The following DGCR2 variants were observed in gnomAD, a reference collection of about 807,000 sequenced individuals.
The protein encoded by DGCR2 is DiGeorge syndrome critical region gene 2.
A neutral mutation model predicts 51.6 loss-of-function variants in DGCR2; 24 were observed. That is an observed-to-expected ratio of 0.47 (90% CI 0.34 to 0.65). The LOEUF is 0.65. DGCR2 is among the 30% of genes least tolerant of loss of function. The pLI, the probability that DGCR2 is intolerant of heterozygous loss-of-function variation, is 0.01. For synonymous variants in DGCR2, 340 were observed against 315.4 expected, an observed-to-expected ratio of 1.08 and a Z score of -0.82; for missense variants, 765 against 772.1, an observed-to-expected ratio of 0.99 and a Z score of 0.11.
At position 19,068,081 on chromosome 22, in the gene DGCR2, G is replaced by C. The variant is rs1247304634; in HGVS notation, c.328+19C>G. 1 of 1,555,704 alleles carries C rather than the reference G, an allele frequency of 6.4e-7. No homozygotes were observed. The highest frequency in any genetic ancestry group is 1.2e-5 in the South Asian group (1 of 82,874). ...CTTGCACTCCCCAGTGTCCCAGTCAGGGCAGGTCTGCAACTTACTGCTGAA... is the reference window on the plus strand; with the variant it reads ...CTTGCACTCCCCAGTGTCCCAGTCACGGCAGGTCTGCAACTTACTGCTGAA... On this transcript the variant is annotated intron_variant, in intron 3 of 9. Transcript: ENST00000263196.
intron 1 of DGCR2, among the ~76,000 whole-genome samples, chr22:19,095,518 G>A (rs1161865765): frequency 4.0e-5 from 6 of 151,568 alleles, no homozygotes; most frequent in East Asian, 2.0e-4. Flanking sequence ...AAAATTAGCC[G>A]GGCGTGGTGG....
At chr22:19,049,077 C>T (rs2082521746) in intron 6 of DGCR2, among the ~76,000 whole-genome samples, 1 of 152,208 alleles carries the variant, frequency 6.6e-6, no homozygotes, top group Non-Finnish European at 1.5e-5. Flanking sequence ...AAATGGAGGC[C>T]GGAGAGCCAG....
intron 1 of DGCR2, among the ~76,000 whole-genome samples, chr22:19,113,465 G>A (rs1321710112): frequency 2.0e-5 from 3 of 151,956 alleles, no homozygotes; most frequent in Admixed American, 6.5e-5. Flanking sequence ...AGACTGAAAA[G>A]ATGGAGTCGC....
intron 1 of DGCR2, among the ~76,000 whole-genome samples, chr22:19,117,207 TAC>T (rs2083382600): frequency 6.6e-6 from 1 of 152,220 alleles, no homozygotes; most frequent in East Asian, 1.9e-4. Flanking sequence ...AATCACTCAG[TAC>T]TCTGGGAAGT....
chr22:19,067,102 G>T (rs543829002), intron 3 of DGCR2, among the ~76,000 whole-genome samples: 1 of 152,176 alleles, frequency 6.6e-6, no homozygotes, highest in Non-Finnish European at 1.5e-5. Flanking sequence ...GTTGGTGGGG[G>T]TTCTGCCAGA....
At chr22:19,052,735 C>T (rs760361510) in intron 6 of DGCR2, among the ~76,000 whole-genome samples, 41 of 151,694 alleles carry the variant, frequency 2.7e-4, no homozygotes, top group Non-Finnish European at 2.6e-4. Flanking sequence ...GAGCAGTGAT[C>T]ACACCACTGT....
At chr22:19,050,194 T>C (rs530692430) in intron 6 of DGCR2, among the ~76,000 whole-genome samples, 1 of 152,254 alleles carries the variant, frequency 6.6e-6, no homozygotes, top group South Asian at 2.1e-4. Context: ...GTGAAAATGC[T>C]GAAAGTGAAA....
At chr22:19,086,468 G>A (rs916083006) in intron 2 of DGCR2, among the ~76,000 whole-genome samples, 6 of 151,928 alleles carry the variant, frequency 3.9e-5, no homozygotes, top group Admixed American at 6.5e-5. Flanking sequence ...AACAAAGCGA[G>A]ACTCCATCTC....
chr22:19,043,085 T>C (rs2082451031), intron 7 of DGCR2, among the ~76,000 whole-genome samples: 1 of 152,074 alleles, frequency 6.6e-6, no homozygotes, highest in African/African-American at 2.4e-5. Flanking sequence ...CTTTGCTGGG[T>C]GAGTAGGCAG....
rs377332390 is a variant in DGCR2 at position 19,060,282 on chromosome 22, C to T, written c.625+2920G>A. Among the ~76,000 whole-genome samples the T allele has an allele frequency of 1.2e-3, 190 of 152,274 alleles. 1 individual carries two copies. Among genetic ancestry groups the T allele is most frequent in the African/African-American group, 4.3e-3 (178 of 41,546 alleles). On this transcript the variant is annotated intron_variant, in intron 5 of 9. Coordinates refer to ENST00000263196, the MANE Select transcript of DGCR2 (RefSeq NM_005137.3). ...CCACAGCCCTGACTGCTGGCCTCAG[C>T]GGGCAACACCATACAATCCCTCAGG...
At chr22:19,071,523 G>C (rs1002630396) in intron 2 of DGCR2, among the ~76,000 whole-genome samples, 19 of 151,906 alleles carry the variant, frequency 1.3e-4, no homozygotes, top group African/African-American at 4.4e-4. Flanking sequence ...TGAAGAAAGA[G>C]ACAAGTCCAA....
At chr22:19,065,340 A>G (rs935613959) in intron 3 of DGCR2, among the ~76,000 whole-genome samples, 1 of 152,224 alleles carries the variant, frequency 6.6e-6, no homozygotes, top group Non-Finnish European at 1.5e-5. Flanking sequence ...CGGCTGCTGA[A>G]TTAAGTCTTG....
chr22:19,103,421 T>A (rs1431575829), intron 1 of DGCR2, among the ~76,000 whole-genome samples: 4 of 59,120 alleles, frequency 6.8e-5, no homozygotes, highest in African/African-American at 4.6e-4. Flanking sequence ...AAGTTCTTTT[T>A]TTTTTTTTTT....
rs1042958778 is a variant in DGCR2 at position 19,113,742 on chromosome 22, C to T, written c.79+8386G>A. On this transcript the variant is annotated intron_variant, in intron 1 of 9. Coordinates refer to ENST00000263196, the MANE Select transcript of DGCR2 (RefSeq NM_005137.3). Reference sequence around the variant, plus strand: ...ACTGTTATGTAGGTTTGAAATATTTCCAAAGTAAAAAGATTTCTAAAAAAG... The same window carrying T: ...ACTGTTATGTAGGTTTGAAATATTTTCAAAGTAAAAAGATTTCTAAAAAAG... Among the ~76,000 whole-genome samples the T allele has an allele frequency of 2.0e-5, 3 of 152,012 alleles. No homozygotes were observed. The East Asian group carries it at 5.8e-4, about 29-fold the overall frequency.
At chr22:19,117,842 T>TA (rs1348118068) in intron 1 of DGCR2, among the ~76,000 whole-genome samples, 5 of 151,904 alleles carry the variant, frequency 3.3e-5, no homozygotes, top group African/African-American at 7.3e-5. Context: ...ACTTTCCAAC[T>TA]AAAAAAAATG....
rs1187933311 is a variant in DGCR2, at chr22:19,039,129, A to C, written c.1397-8T>G. On this transcript the variant is annotated splice_region_variant and splice_polypyrimidine_tract_variant and intron_variant, in intron 9 of 9. Coordinates refer to ENST00000263196, the MANE Select transcript of DGCR2 (RefSeq NM_005137.3). ...GCTCAAAAGCATCATCGTCTGCAGG[A>C]AGAGACAGAGGGGTGTCAGAGGCAG... 1.2e-6 allele frequency: 2 copies of C among 1,612,764 alleles called. No individual in the cohort carries two copies. The highest frequency in any genetic ancestry group is 1.7e-6 in the Non-Finnish European group (2 of 1,179,864).
intron 1 of DGCR2, among the ~76,000 whole-genome samples, chr22:19,107,361 A>G (rs1182141550): frequency 6.6e-6 from 1 of 152,154 alleles, no homozygotes; most frequent in African/African-American, 2.4e-5. Context: ...GGGTCACAAC[A>G]CTGACACTGG....
At chr22:19,051,829 A>G (rs1289539538) in intron 6 of DGCR2, among the ~76,000 whole-genome samples, 1 of 152,242 alleles carries the variant, frequency 6.6e-6, no homozygotes, top group Non-Finnish European at 1.5e-5. Flanking sequence ...AGAGGTTTTA[A>G]CATCAGTAGC....
chr22:19,076,379 G>T, intron 2 of DGCR2, among the ~76,000 whole-genome samples: 1 of 147,636 alleles, frequency 6.8e-6, no homozygotes, highest in Admixed American at 6.6e-5. Context: ...TGGCCAGGCT[G>T]CTCTAGAACT....
Sources: gnomAD v4.1 joint callset for allele counts (sites outside exome capture counted in the v4.1 genomes callset) on GRCh38, gnomAD v4.1.1 for gene constraint, MANE v1.5 for transcripts, NCBI Gene and HGNC (gene_info 2026-07-23, HGNC 2026-07-21) for gene names.